Variants in CADM2 observed in about 807,000 individuals in gnomAD.
CADM2 encodes immunoglobulin superfamily member 4D.
Under a neutral mutation model 49.8 loss-of-function variants are expected in CADM2, and 12 were observed. The observed-to-expected ratio is 0.24, with a 90% CI of 0.15 to 0.39. The LOEUF (loss-of-function observed/expected upper bound fraction) is 0.39, where lower values mean the gene tolerates loss of function less well. CADM2 is among the 10% of genes least tolerant of loss of function. The pLI, the probability that CADM2 is intolerant of heterozygous loss-of-function variation, is 1.00. For synonymous variants in CADM2, 214 were observed against 175.4 expected, an observed-to-expected ratio of 1.22 and a Z score of -1.74; for missense variants, 378 against 492.3, an observed-to-expected ratio of 0.77 and a Z score of 2.20.
At chr3:85,197,993 G>A (rs1307050215) in intron 1 of CADM2, among the ~76,000 whole-genome samples, 3 of 151,614 alleles carry the variant, frequency 2.0e-5, no homozygotes, top group East Asian at 3.9e-4. Flanking sequence ...TGCTTACTTC[G>A]GTTAATATTT....
chr3:85,588,568 C>T (rs562496592), intron 1 of CADM2, among the ~76,000 whole-genome samples: 3 of 152,142 alleles, frequency 2.0e-5, no homozygotes, highest in South Asian at 4.1e-4. Flanking sequence ...ACTGCCAATA[C>T]GTTAAGCAAT....
intron 1 of CADM2, among the ~76,000 whole-genome samples, chr3:85,563,437 T>G (rs989437028): frequency 5.3e-5 from 8 of 150,450 alleles, no homozygotes; most frequent in African/African-American, 1.9e-4. Flanking sequence ...TAGCTAAAAT[T>G]AAGGCCAACA....
At chr3:86,040,907 A>C (rs560124280) in intron 8 of CADM2, among the ~76,000 whole-genome samples, 1 of 152,234 alleles carries the variant, frequency 6.6e-6, no homozygotes, top group African/African-American at 2.4e-5. Context: ...ACAAGCCAGA[A>C]GAGAGTGGGG....
intron 1 of CADM2, among the ~76,000 whole-genome samples, chr3:85,082,877 C>G (rs574053272): frequency 2.0e-5 from 3 of 152,022 alleles, no homozygotes; most frequent in Non-Finnish European, 2.9e-5. Context: ...CTAAAACACA[C>G]GCTAGCTGTT....
chr3:85,203,374 T>C (rs2107750523), intron 1 of CADM2, among the ~76,000 whole-genome samples: 1 of 152,018 alleles, frequency 6.6e-6, no homozygotes, highest in Non-Finnish European at 1.5e-5. Flanking sequence ...TAAGGGAAGC[T>C]GAAGGAGGAG....
Position 86,074,286 on chromosome 3 carries a change from A to T in CADM2, c.*7503A>T, listed in dbSNP as rs988310604. The T allele has an allele frequency of 3.3e-4, 50 of 152,088 alleles. No homozygotes were observed. The highest frequency in any genetic ancestry group is 1.2e-3 in the African/African-American group (49 of 41,556). 9.4% of individuals were successfully genotyped at this position (152,088 alleles called of 1,614,324 possible). ...GTGTCTTTGGAAGTTCACTTACCAT[A>T]AAGTATTTTATAGTCTACTTTAAAT... On this transcript the variant is annotated 3_prime_UTR_variant, in exon 10 of 10. Transcript: ENST00000383699.
intron 1 of CADM2, among the ~76,000 whole-genome samples, chr3:85,591,323 A>G (rs1256410932): frequency 3.3e-5 from 5 of 151,996 alleles, no homozygotes; most frequent in Non-Finnish European, 7.4e-5. Flanking sequence ...AGTCTGGACA[A>G]GTGGGAGTAT....
intron 3 of CADM2, among the ~76,000 whole-genome samples, chr3:85,869,973 ATTT>A (rs2075862020): frequency 5.3e-5 from 8 of 152,048 alleles, no homozygotes; most frequent in Non-Finnish European, 1.0e-4. Flanking sequence ...ATCTGCCTAG[ATTT>A]TAGTTGTGAG....
chr3:85,076,753 C>A (rs964900644), intron 1 of CADM2, among the ~76,000 whole-genome samples: 1 of 152,028 alleles, frequency 6.6e-6, no homozygotes, highest in East Asian at 1.9e-4. Context: ...GTAAGAGTCA[C>A]CTGAAGTCAG....
intron 1 of CADM2, among the ~76,000 whole-genome samples, chr3:85,608,331 G>T (rs945445236): frequency 1.3e-5 from 2 of 151,922 alleles, no homozygotes; most frequent in African/African-American, 2.4e-5. Flanking sequence ...AGTCGCTATG[G>T]GTAGATTTTG....
At chr3:85,127,436 C>T (rs1036947942) in intron 1 of CADM2, among the ~76,000 whole-genome samples, 1 of 152,198 alleles carries the variant, frequency 6.6e-6, no homozygotes, top group African/African-American at 2.4e-5. Flanking sequence ...AAAGGGCCAA[C>T]TGGCCCAAAT....
chr3:85,661,689 C>G (rs1180774453), intron 1 of CADM2, among the ~76,000 whole-genome samples: 5 of 151,876 alleles, frequency 3.3e-5, no homozygotes, highest in Non-Finnish European at 7.4e-5. Context: ...ACTTCATACT[C>G]AAAGTGAAAG....
chr3:85,817,665 G>C (rs949919651), intron 3 of CADM2, among the ~76,000 whole-genome samples: 2 of 152,108 alleles, frequency 1.3e-5, no homozygotes, highest in Admixed American at 6.6e-5. Flanking sequence ...GTTCCATCGT[G>C]GATTTGTGTG....
In CADM2 at chr3:84,959,402, G is replaced by A; in HGVS notation, c.-206G>A. The A allele has an allele frequency of 1.7e-6, 1 of 583,146 alleles. No homozygotes were observed. The highest frequency in any genetic ancestry group is 3.1e-6 in the Non-Finnish European group (1 of 327,816). The allele number at this position is 583,146 out of a possible 1,614,324, so 36.1% of individuals were successfully genotyped here. A position where few individuals can be genotyped will look rare whatever the true frequency, so the allele number is the denominator to read the frequency against. The stretch of plus-strand genomic sequence containing the variant: ...GAGGAGGAGGAGAAGAAACTATTTC[G>A]CGATACCCCATTCTGCGGGTGCTTT... On this transcript the variant is annotated 5_prime_UTR_variant, in exon 1 of 10. Coordinates refer to ENST00000383699, the MANE Select transcript of CADM2 (RefSeq NM_001167675.2).
intron 1 of CADM2, among the ~76,000 whole-genome samples, chr3:85,356,068 C>A (rs746873732): frequency 5.3e-5 from 8 of 151,974 alleles, no homozygotes; most frequent in Non-Finnish European, 5.9e-5. Context: ...GTTTATGTAA[C>A]AAATAAAATG....
intron 1 of CADM2, among the ~76,000 whole-genome samples, chr3:85,626,354 G>A (rs2064130543): frequency 6.6e-6 from 1 of 151,762 alleles, no homozygotes; most frequent in South Asian, 2.1e-4. Context: ...TGAAAATGTT[G>A]AATTAAACAG....
intron 1 of CADM2, among the ~76,000 whole-genome samples, chr3:85,032,208 G>A (rs920057652): frequency 5.4e-5 from 7 of 128,762 alleles, no homozygotes; most frequent in Non-Finnish European, 9.9e-5. Flanking sequence ...GGTAGTCCCA[G>A]TTACTGGTTT....
chr3:85,504,416 GA>G (rs1168284741), intron 1 of CADM2, among the ~76,000 whole-genome samples: 1 of 152,202 alleles, frequency 6.6e-6, no homozygotes, highest in Admixed American at 6.5e-5. Context: ...CCACACTGCG[GA>G]AGGGGACCGG....
chr3:85,646,394 A>G (rs937670684), intron 1 of CADM2, among the ~76,000 whole-genome samples: 3 of 151,974 alleles, frequency 2.0e-5, no homozygotes, highest in African/African-American at 4.8e-5. Flanking sequence ...TCAACAGTCA[A>G]TTAGGAGCAC....
Sources: gnomAD v4.1 joint callset for allele counts (sites outside exome capture counted in the v4.1 genomes callset) on GRCh38, gnomAD v4.1.1 for gene constraint, MANE v1.5 for transcripts, NCBI Gene and HGNC (gene_info 2026-07-23, HGNC 2026-07-21) for gene names.